The following NKAIN3 variants were observed in gnomAD, a reference collection of about 807,000 sequenced individuals.
NKAIN3 encodes sodium/potassium-transporting ATPase subunit beta-1-interacting protein 3.
NKAIN3 carries 25 observed loss-of-function variants against 30.2 expected under a neutral mutation model. The ratio of observed to expected loss-of-function variants is 0.83; its 90% CI spans 0.60 to 1.16. NKAIN3 has a LOEUF of 1.16. Ranked by LOEUF, NKAIN3 falls within the 50% of genes most tolerant of loss-of-function variation. The pLI, the probability that NKAIN3 is intolerant of heterozygous loss-of-function variation, is 0.00. For synonymous variants in NKAIN3, 91 were observed against 89.6 expected, an observed-to-expected ratio of 1.02 and a Z score of -0.09; for missense variants, 225 against 254.1, an observed-to-expected ratio of 0.89 and a Z score of 0.78.
At chr8:62,822,433 A>G (rs1818876299) in intron 4 of NKAIN3, among the ~76,000 whole-genome samples, 3 of 152,196 alleles carry the variant, frequency 2.0e-5, no homozygotes, top group Admixed American at 2.0e-4. Flanking sequence ...CCGCATGTAC[A>G]TAACATACAT....
intron 3 of NKAIN3, among the ~76,000 whole-genome samples, chr8:62,663,380 A>G (rs1397721751): frequency 6.6e-6 from 1 of 152,188 alleles, no homozygotes; most frequent in African/African-American, 2.4e-5. Context: ...AGAAGCTGAG[A>G]TACAGAGGTA....
At position 62,703,996 on chromosome 8, in the gene NKAIN3, C is replaced by T. The variant is rs546869399; in HGVS notation, c.274-42936C>T. On this transcript the variant is annotated intron_variant, in intron 3 of 6. Transcript: ENST00000623646. ...ACTTGATTGGATATTGGTCCATTTT[C>T]ATCCACTGTGCTGGTTACTCCATAG... Among the ~76,000 whole-genome samples, 7 of 152,262 alleles carry T rather than the reference C, an allele frequency of 4.6e-5. No homozygotes were observed. The East Asian group carries it at 1.4e-3, about 29-fold the overall frequency.
intron 1 of NKAIN3, among the ~76,000 whole-genome samples, chr8:62,495,556 T>C (rs1025452071): frequency 6.7e-6 from 1 of 148,800 alleles, no homozygotes; most frequent in Non-Finnish European, 1.5e-5. Context: ...AGAGTATATA[T>C]ATATATATTA....
At chr8:62,585,760 C>A (rs972010783) in intron 2 of NKAIN3, among the ~76,000 whole-genome samples, 1 of 152,078 alleles carries the variant, frequency 6.6e-6, no homozygotes, top group Non-Finnish European at 1.5e-5. Context: ...TTCTGTCTTG[C>A]GTTTTGAATG....
intron 4 of NKAIN3, among the ~76,000 whole-genome samples, chr8:62,800,349 C>T (rs1255888181): frequency 6.6e-6 from 1 of 152,148 alleles, no homozygotes; most frequent in African/African-American, 2.4e-5. Context: ...CTCTGCAAAG[C>T]ATTGTTTGTG....
At chr8:62,507,541 G>A (rs572626934) in intron 1 of NKAIN3, among the ~76,000 whole-genome samples, 1 of 152,204 alleles carries the variant, frequency 6.6e-6, no homozygotes, top group South Asian at 2.1e-4. Flanking sequence ...GCATGACTCA[G>A]CCTTTTTGCC....
At chr8:62,986,398 C>G (rs925932787), downstream of NKAIN3, among the ~76,000 whole-genome samples, 1 of 152,104 alleles carries the variant, frequency 6.6e-6, no homozygotes, top group African/African-American at 2.4e-5. Context: ...TGGTTGCAGT[C>G]CTCCTCTCCA....
At chr8:62,455,685 ATCTC>A (rs1159431674) in intron 1 of NKAIN3, among the ~76,000 whole-genome samples, 1 of 152,248 alleles carries the variant, frequency 6.6e-6, no homozygotes, top group African/African-American at 2.4e-5. Context: ...CGTAGTTTCA[ATCTC>A]ACAGTGAACT....
chr8:62,409,956 C>A (rs190267093), intron 1 of NKAIN3, among the ~76,000 whole-genome samples: 7 of 151,920 alleles, frequency 4.6e-5, no homozygotes, highest in Non-Finnish European at 7.4e-5. Flanking sequence ...TATTTAGCAA[C>A]TTTTTAAAAT....
intron 4 of NKAIN3, chr8:62,856,359 T>G (rs1401893648): frequency 1.0e-5 from 9 of 863,410 alleles, no homozygotes; most frequent in African/African-American, 1.6e-5. Flanking sequence ...CTTCCTGGTC[T>G]CCTTGGAGTG....
chr8:62,943,270 G>C (rs1240718274), intron 5 of NKAIN3, among the ~76,000 whole-genome samples: 2 of 151,938 alleles, frequency 1.3e-5, no homozygotes, highest in Admixed American at 1.3e-4. Flanking sequence ...CGCAAATTGT[G>C]AACAAACATA....
intron 1 of NKAIN3, among the ~76,000 whole-genome samples, chr8:62,305,800 G>A (rs751337296): frequency 1.2e-4 from 18 of 150,448 alleles, no homozygotes; most frequent in Middle Eastern, 3.4e-3. Context: ...GGTATGTGTC[G>A]TTAGGACTGA....
At chr8:62,863,456 C>G in intron 4 of NKAIN3, 1 of 1,554,002 alleles carries the variant, frequency 6.4e-7, no homozygotes, top group East Asian at 2.4e-5. Flanking sequence ...TATTCTAACC[C>G]TTGAAGGAAA....
At chr8:62,542,640 T>G (rs146364195) in intron 1 of NKAIN3, among the ~76,000 whole-genome samples, 1 of 151,984 alleles carries the variant, frequency 6.6e-6, no homozygotes, top group African/African-American at 2.4e-5. Flanking sequence ...AAAAAAAAAG[T>G]GACTAATTTG....
In NKAIN3 at chr8:62,902,895, C is replaced by T. The variant is rs558771033; in HGVS notation, c.472-15558C>T. ...AGGCAATGTTCTTATTCCTTAATGA[C>T]TTGCTACCAGAAATGCATTATCTTA... On this transcript the variant is annotated intron_variant, in intron 4 of 6. Coordinates refer to ENST00000623646, the MANE Select transcript of NKAIN3 (RefSeq NM_001304533.3). 2.0e-5 allele frequency among the ~76,000 whole-genome samples: 3 copies of T among 152,298 alleles called. No individual in the cohort carries two copies. In the East Asian group the frequency reaches 5.8e-4, roughly 29 times the overall value.
At chr8:62,661,860 C>T (rs932030707) in intron 3 of NKAIN3, among the ~76,000 whole-genome samples, 3 of 152,158 alleles carry the variant, frequency 2.0e-5, no homozygotes, top group African/African-American at 4.8e-5. Flanking sequence ...GTTTGCTTAG[C>T]CAGGCCATGT....
intron 1 of NKAIN3, among the ~76,000 whole-genome samples, chr8:62,257,139 C>T (rs1812286850): frequency 6.6e-6 from 1 of 152,038 alleles, no homozygotes; most frequent in Admixed American, 6.6e-5. Flanking sequence ...TTGAAATATA[C>T]AATACAGTAT....
At chr8:62,415,101 AAT>A (rs1491163527) in intron 1 of NKAIN3, among the ~76,000 whole-genome samples, 14 of 138,360 alleles carry the variant, frequency 1.0e-4, no homozygotes, top group South Asian at 2.2e-4. Context: ...TATTACATAT[AAT>A]ATATATTATG....
At chr8:62,802,128 C>T (rs1473157643) in intron 4 of NKAIN3, among the ~76,000 whole-genome samples, 1 of 152,008 alleles carries the variant, frequency 6.6e-6, no homozygotes, top group Admixed American at 6.6e-5. Context: ...GTGAAAAGAC[C>T]AAATCTACGT....
Sources: gnomAD v4.1 joint callset for allele counts (sites outside exome capture counted in the v4.1 genomes callset) on GRCh38, gnomAD v4.1.1 for gene constraint, MANE v1.5 for transcripts, NCBI Gene and HGNC (gene_info 2026-07-23, HGNC 2026-07-21) for gene names.